Variants in KCNAB1 observed in about 807,000 individuals in gnomAD.
KCNAB1 encodes the protein voltage-gated potassium channel subunit beta-1.
KCNAB1 carries 35 observed loss-of-function variants against 64.6 expected under a neutral mutation model. That is an observed-to-expected ratio of 0.54 (90% confidence interval 0.41 to 0.72). The LOEUF is 0.72. Ranked by LOEUF, KCNAB1 falls within the 30% of genes least tolerant of loss-of-function variation. The pLI is 0.00. For missense variants in KCNAB1, 401 were observed against 512.9 expected (o/e 0.78, Z 2.11); for synonymous variants, 177 against 183.8 (o/e 0.96, Z 0.30).
intron 8 of KCNAB1, among the ~76,000 whole-genome samples, chr3:156,510,661 A>T (rs1002225810): frequency 6.6e-6 from 1 of 152,106 alleles, no homozygotes; most frequent in African/African-American, 2.4e-5. Context: ...ACCTTGCTTG[A>T]TCCCATCACA....
chr3:156,395,517 C>T (rs1186884399), intron 1 of KCNAB1, among the ~76,000 whole-genome samples: 4 of 117,578 alleles, frequency 3.4e-5, no homozygotes, highest in African/African-American at 1.3e-4. Flanking sequence ...TGCACTCCAG[C>T]CTGGGCGACA....
At chr3:156,277,676 G>A (rs909536899) in intron 1 of KCNAB1, among the ~76,000 whole-genome samples, 1 of 152,056 alleles carries the variant, frequency 6.6e-6, no homozygotes, top group Admixed American at 6.6e-5. Context: ...TCCACATCTT[G>A]GCTATTGTGA....
rs1346484234 is a variant in KCNAB1 at position 156,158,164 on chromosome 3, CAAAAAAAAAAAT to C, written c.275+37285_275+37296del. 2.8e-3 allele frequency among the ~76,000 whole-genome samples: 118 copies of C among 42,896 alleles called. 1 individual carries two copies. The highest frequency in any genetic ancestry group is 0.018 in the Middle Eastern group (1 of 56). 28.1% of individuals were successfully genotyped at this position (42,896 alleles called of 152,430 possible). A position where few individuals can be genotyped will look rare whatever the true frequency, so the allele number is the denominator to read the frequency against. ...TGGGTGACAGAGCGAAACTCTGTCT[CAAAAAAAAAAAT>C]AAAAAATAAATAAATAAATAAATAA... is the stretch of plus-strand genomic sequence containing the variant. On this transcript the variant is annotated intron_variant, in intron 1 of 13. Coordinates refer to ENST00000490337, the MANE Select transcript of KCNAB1 (RefSeq NM_172160.3).
chr3:156,463,031 G>A (rs1242205011), intron 5 of KCNAB1, among the ~76,000 whole-genome samples: 1 of 152,098 alleles, frequency 6.6e-6, no homozygotes, highest in Non-Finnish European at 1.5e-5. Flanking sequence ...AAGGACTTTA[G>A]GACTGTTTTC....
chr3:156,528,187 A>AAAAAAAAG (rs59586180), intron 12 of KCNAB1, among the ~76,000 whole-genome samples: 1 of 151,152 alleles, frequency 6.6e-6, no homozygotes, highest in African/African-American at 2.4e-5. Flanking sequence ...AAAAAAAAAA[A>AAAAAAAAG]AGAGAGAGAA....
At position 156,511,029 on chromosome 3, in the gene KCNAB1, C is replaced by T. The variant is rs143093007; in HGVS notation, c.659-3335C>T. Among the ~76,000 whole-genome samples, 171 of 152,316 alleles carry T rather than the reference C, an allele frequency of 1.1e-3. 2 individuals are homozygous for T. Among genetic ancestry groups the T allele is most frequent in the African/African-American group, 3.8e-3 (159 of 41,566 alleles). ...GACTGGTAACTAATAAATGTATATA[C>T]ACCTCTGGCCCAGATTGCTCACTGT... On this transcript the variant is annotated intron_variant, in intron 8 of 13. Transcript: ENST00000490337.
intron 2 of KCNAB1, among the ~76,000 whole-genome samples, chr3:156,447,906 T>C (rs1711698347): frequency 6.6e-6 from 1 of 152,256 alleles, no homozygotes; most frequent in South Asian, 2.1e-4. Context: ...ATATCCTTTA[T>C]ACTCCAAGCA....
At chr3:156,180,076 G>A (rs2108344004) in intron 1 of KCNAB1, among the ~76,000 whole-genome samples, 1 of 152,260 alleles carries the variant, frequency 6.6e-6, no homozygotes. Context: ...TATAATTGAA[G>A]AAATGAAGGC....
intron 12 of KCNAB1, among the ~76,000 whole-genome samples, chr3:156,524,607 C>T (rs1339898747): frequency 6.6e-6 from 1 of 151,788 alleles, no homozygotes; most frequent in Non-Finnish European, 1.5e-5. Context: ...ATTAGCCGGG[C>T]GTGGTGGTGG....
At chr3:156,291,701 G>A (rs1267877143) in intron 1 of KCNAB1, 1 of 1,417,644 alleles carries the variant, frequency 7.1e-7, no homozygotes, top group African/African-American at 1.4e-5. Context: ...CTGGGTCCCC[G>A]GGGACTCTTT....
chr3:156,446,411 T>A (rs1711560393), intron 2 of KCNAB1, among the ~76,000 whole-genome samples: 1 of 152,200 alleles, frequency 6.6e-6, no homozygotes, highest in African/African-American at 2.4e-5. Context: ...TTAATTTCAA[T>A]GTGACCTAGG....
chr3:156,408,671 T>A (rs1714425829), intron 1 of KCNAB1, among the ~76,000 whole-genome samples: 1 of 151,870 alleles, frequency 6.6e-6, no homozygotes, highest in Admixed American at 6.6e-5. Context: ...TCCCAGCTAC[T>A]CAGGAGGCTG....
intron 1 of KCNAB1, among the ~76,000 whole-genome samples, chr3:156,124,906 G>A (rs372952133): frequency 3.3e-5 from 5 of 152,060 alleles, no homozygotes; most frequent in Non-Finnish European, 7.4e-5. Context: ...TTGGGAGGCC[G>A]AGGCAGGTAG....
Position 156,442,883 on chromosome 3 carries a change from C to T in KCNAB1, c.320-10016C>T, listed in dbSNP as rs115935065. On this transcript the variant is annotated intron_variant, in intron 2 of 13. Transcript: ENST00000490337. ...GGCTCTGTGCATGAGGTTGGAGACACTGCTCCTCAGATGACAAAAAACCTG... is the reference window on the plus strand; with the variant it reads ...GGCTCTGTGCATGAGGTTGGAGACATTGCTCCTCAGATGACAAAAAACCTG... Among the ~76,000 whole-genome samples, 1,083 of 152,288 alleles carry T rather than the reference C, an allele frequency of 7.1e-3. 15 individuals carry two copies. Among genetic ancestry groups the T allele is most frequent in the African/African-American group, 0.024 (991 of 41,556 alleles).
intron 1 of KCNAB1, among the ~76,000 whole-genome samples, chr3:156,325,030 A>G (rs148792500): frequency 1.3e-3 from 204 of 152,268 alleles, no homozygotes; most frequent in Admixed American, 2.2e-3. Flanking sequence ...GGCACCCAAT[A>G]TAGTATATGG....
intron 12 of KCNAB1, among the ~76,000 whole-genome samples, chr3:156,526,007 C>G (rs1718284566): frequency 6.6e-6 from 1 of 152,132 alleles, no homozygotes; most frequent in South Asian, 2.1e-4. Context: ...ACTGACTCAC[C>G]CAAAGCACCT....
intron 1 of KCNAB1, among the ~76,000 whole-genome samples, chr3:156,217,453 T>C (rs538094374): frequency 6.6e-6 from 1 of 152,364 alleles, no homozygotes; most frequent in East Asian, 1.9e-4. Context: ...TAAAAATGAC[T>C]TTCTTAAGAC....
intron 1 of KCNAB1, among the ~76,000 whole-genome samples, chr3:156,408,783 A>T (rs1032381471): frequency 4.9e-5 from 7 of 142,612 alleles, no homozygotes; most frequent in Non-Finnish European, 1.1e-4. Flanking sequence ...CCATCTCCAT[A>T]AAAAAAAAAA....
At chr3:156,386,009 G>T (rs1712560706) in intron 1 of KCNAB1, among the ~76,000 whole-genome samples, 1 of 152,116 alleles carries the variant, frequency 6.6e-6, no homozygotes, top group East Asian at 1.9e-4. Context: ...GTTACTGGTG[G>T]AAGGTATCCA....
Sources: gnomAD v4.1 joint callset for allele counts (sites outside exome capture counted in the v4.1 genomes callset) on GRCh38, gnomAD v4.1.1 for gene constraint, MANE v1.5 for transcripts, NCBI Gene and HGNC (gene_info 2026-07-23, HGNC 2026-07-21) for gene names.